The following CRYBG3 variants were observed in gnomAD, a reference collection of about 807,000 sequenced individuals.
The protein encoded by CRYBG3 is very large A-kinase anchor protein.
Under a neutral mutation model 244.2 loss-of-function variants are expected in CRYBG3, and 127 were observed. The ratio of observed to expected loss-of-function variants is 0.52; its 90% confidence interval spans 0.45 to 0.60. The LOEUF (loss-of-function observed/expected upper bound fraction) is 0.60. CRYBG3 is among the 20% of genes least tolerant of loss of function. CRYBG3 has a pLI of 0.00. For missense variants in CRYBG3, 3,325 were observed against 3,442.5 expected (o/e 0.97, Z 0.85); for synonymous variants, 1,132 against 1,195.8 (o/e 0.95, Z 1.10).
chr3:97,888,289 C>T (rs1052845103), intron 8 of CRYBG3, 52 bp from the exon 9 acceptor site: 1 of 1,108,846 alleles, frequency 9.0e-7, no homozygotes, highest in African/African-American at 1.6e-5. Context: ...ACTTACAGAA[C>T]CAGACTAAAG....
rs2039394008 is a variant in CRYBG3 at position 97,877,475 on chromosome 3, C to A, written c.6281C>A (p.Ser2094Ter). 4 of 1,614,106 alleles carry A rather than the reference C, an allele frequency of 2.5e-6. No homozygotes were observed. The highest frequency in any genetic ancestry group is 3.4e-6 in the Non-Finnish European group (4 of 1,180,006). Reference sequence around the variant, plus strand: ...TCTCCCATTTATGAGGATGACAGCTCACAGGAGGACATTCTATCTAGTGAG... The same window carrying A: ...TCTCCCATTTATGAGGATGACAGCTAACAGGAGGACATTCTATCTAGTGAG... ...ALSPIYEDDS[S>*]QEDILSSEVS... The change falls in exon 4 of 22, where the codon TCA becomes TAA. Residue 2094 changes from serine to a stop codon, truncating the protein, a stop_gained. Transcript: ENST00000389622. LOFTEE classifies it high-confidence loss of function.
chr3:97,862,572 T>A (rs1490004626), intron 2 of CRYBG3, among the ~76,000 whole-genome samples: 1 of 152,212 alleles, frequency 6.6e-6, no homozygotes, highest in Non-Finnish European at 1.5e-5. Context: ...ATCTTTCATA[T>A]AAATGACCAT....
chr3:97,866,519 CA>C (rs1289306583), intron 3 of CRYBG3, among the ~76,000 whole-genome samples: 1 of 152,198 alleles, frequency 6.6e-6, no homozygotes, highest in Admixed American at 6.5e-5. Flanking sequence ...TCCACTGAAG[CA>C]GAATCTCTGC....
At chr3:97,919,446 T>C (rs1173504431) in intron 17 of CRYBG3, among the ~76,000 whole-genome samples, 3 of 152,132 alleles carry the variant, frequency 2.0e-5, no homozygotes, top group African/African-American at 7.2e-5. Context: ...CAGAGATATA[T>C]ATCTGGAAAA....
At position 97,873,922 on chromosome 3, in the gene CRYBG3, G is replaced by A. The variant is rs1397710544; in HGVS notation, c.2728G>A (p.Glu910Lys). ...TGGCCTTAAAGAGAATTGCCAAGCT[G>A]AGCTTTCTCCTGCTGCCTCCAAATA... Reference protein sequence around the residue: ...DAGLKENCQAELSPAASKYED... With the variant: ...DAGLKENCQAKLSPAASKYED... Residue 910 changes from glutamate to lysine, a missense_variant, in exon 4 of 22, where the codon GAG becomes AAG. Glu to Lys is a moderately conservative substitution (Grantham distance 56). Coordinates refer to ENST00000389622, the MANE Select transcript of CRYBG3 (RefSeq NM_153605.4). The A allele has an allele frequency of 1.3e-6, 2 of 1,535,988 alleles. No individual in the cohort carries two copies. Among genetic ancestry groups the A allele is most frequent in the Admixed American group, 3.9e-5 (2 of 50,984 alleles).
chr3:97,872,691 T>C lies in CRYBG3; in HGVS notation c.1497T>C (p.His499=). ...CCAATATCATTGCTCTTCAGAGACATGCTGTGACAGACACAGAATTTGTAA... is the reference window on the plus strand; with the variant it reads ...CCAATATCATTGCTCTTCAGAGACACGCTGTGACAGACACAGAATTTGTAA... The part of the protein sequence containing the change: ...THTNIIALQR[H]AVTDTEFVNE... Residue 499 remains histidine, a synonymous_variant, in exon 4 of 22, where the codon CAT becomes CAC. Transcript: ENST00000389622. 2.0e-6 allele frequency: 3 copies of C among 1,535,974 alleles called. No homozygotes were observed. Among genetic ancestry groups the C allele is most frequent in the Non-Finnish European group, 2.6e-6 (3 of 1,146,802 alleles).
Position 97,876,376 on chromosome 3 carries a change from A to G in CRYBG3, c.5182A>G (p.Lys1728Glu), listed in dbSNP as rs1559729322. Residue 1728 changes from lysine to glutamate, a missense_variant, in exon 4 of 22, where the codon AAG becomes GAG. Around this residue, in one of 4 missense-constraint regions of CRYBG3, gnomAD observed 635 missense variants for 771.7 expected, o/e 0.82. Transcript: ENST00000389622. ...AAAGGATGCTGAAGGGGATATTGGA[A>G]AGGCTGAAGTGATGCCTGTGAGGTT... ...YQKDAEGDIG[K>E]AEVMPVRLEM... 1 of 1,231,964 alleles carries G rather than the reference A, an allele frequency of 8.1e-7. No individual in the cohort carries two copies. The highest frequency in any genetic ancestry group is 4.2e-5 in the Admixed American group (1 of 23,688). 76.3% of individuals were successfully genotyped at this position (1,231,964 alleles called of 1,614,324 possible).
At chr3:97,932,195 G>A (rs531433354) in intron 17 of CRYBG3, among the ~76,000 whole-genome samples, 11 of 151,928 alleles carry the variant, frequency 7.2e-5, no homozygotes, top group South Asian at 2.1e-4. Flanking sequence ...GTGTACAAGC[G>A]CATACATATG....
intron 1 of CRYBG3, among the ~76,000 whole-genome samples, chr3:97,837,775 A>C (rs548595093): frequency 6.6e-6 from 1 of 152,152 alleles, no homozygotes; most frequent in Non-Finnish European, 1.5e-5. Flanking sequence ...CCTCTCTCGA[A>C]ATGGCAAGAA....
chr3:97,888,217 G>A, intron 8 of CRYBG3, 124 bp from the exon 9 acceptor site: 1 of 611,888 alleles, frequency 1.6e-6, no homozygotes. Context: ...CACTTTGAGT[G>A]TGTTTTACTA....
rs774414540 is a variant in CRYBG3, at chr3:97,878,043, T to C, written c.6843+6T>C. 4 of 1,583,414 alleles carry C rather than the reference T, an allele frequency of 2.5e-6. No homozygotes were observed. In the East Asian group the frequency reaches 6.7e-5, roughly 27 times the overall value. ...GATTGAGCCCATTTATAGAGGTAAG[T>C]TATTTTGTTTATTGTATTAATAATA... On this transcript the variant is annotated splice_donor_region_variant and intron_variant, in intron 4 of 21. Coordinates refer to ENST00000389622, the MANE Select transcript of CRYBG3 (RefSeq NM_153605.4).
chr3:97,905,722 T>C (rs1260542601), intron 15 of CRYBG3, among the ~76,000 whole-genome samples: 12 of 126,726 alleles, frequency 9.5e-5, no homozygotes, highest in East Asian at 2.5e-4. Flanking sequence ...GTAGTTTCTT[T>C]TGCTGTGCAG....
At chr3:97,868,412 G>A (rs940256677) in intron 3 of CRYBG3, among the ~76,000 whole-genome samples, 3 of 152,106 alleles carry the variant, frequency 2.0e-5, no homozygotes, top group Non-Finnish European at 2.9e-5. Context: ...GGCAGAGGGA[G>A]TGTAGCTCAT....
chr3:97,841,870 A>C (rs960258399), intron 1 of CRYBG3, among the ~76,000 whole-genome samples: 1 of 152,136 alleles, frequency 6.6e-6, no homozygotes, highest in African/African-American at 2.4e-5. Context: ...TGTCCTTCGC[A>C]AGCTCTGTGC....
chr3:97,854,726 T>C (rs1294303646), intron 2 of CRYBG3, among the ~76,000 whole-genome samples: 1 of 152,030 alleles, frequency 6.6e-6, no homozygotes, highest in East Asian at 1.9e-4. Flanking sequence ...TTTTACTGAA[T>C]TCATGTATCA....
intron 17 of CRYBG3, among the ~76,000 whole-genome samples, chr3:97,927,023 A>G (rs1013220629): frequency 4.6e-5 from 7 of 152,056 alleles, no homozygotes; most frequent in African/African-American, 1.4e-4. Context: ...TACTGTTCCT[A>G]CCGAAGTACC....
intron 1 of CRYBG3, among the ~76,000 whole-genome samples, chr3:97,824,325 C>A (rs866474835): frequency 6.6e-6 from 1 of 152,080 alleles, no homozygotes; most frequent in Middle Eastern, 3.2e-3. Context: ...TCTTTGTGGG[C>A]ATAAAAACTT....
chr3:97,896,037 T>C lies in CRYBG3; in HGVS notation c.7653T>C (p.Ala2551=), dbSNP rs1009020760. ...AAGGAGACTTTGAAGACAGTAATGC[T>C]TGTGGTGCATTAAGTAGCCCTATCT... ...LEEGDFEDSN[A]CGALSSPILS... Residue 2551 remains alanine (A), a synonymous_variant, in exon 12 of 22, where the codon GCT becomes GCC. Coordinates refer to ENST00000389622, the MANE Select transcript of CRYBG3 (RefSeq NM_153605.4). The C allele has an allele frequency of 5.6e-6, 9 of 1,612,968 alleles. No individual in the cohort carries two copies. The African/African-American group carries it at 9.3e-5, about 17-fold the overall frequency.
At chr3:97,830,949 T>C (rs1305112222) in intron 1 of CRYBG3, among the ~76,000 whole-genome samples, 1 of 152,158 alleles carries the variant, frequency 6.6e-6, no homozygotes, top group Non-Finnish European at 1.5e-5. Context: ...GTCTGGAGGC[T>C]TCTCTTTTTA....
Sources: allele counts gnomAD v4.1 joint callset (sites outside exome capture counted in the v4.1 genomes callset), GRCh38; gene constraint gnomAD v4.1.1; regional missense constraint gnomAD v4.1.1; transcripts MANE v1.5; gene names NCBI Gene and HGNC (gene_info 2026-07-23, HGNC 2026-07-21).